Variants in NAA38 observed in about 807,000 individuals in gnomAD.
The protein encoded by NAA38 is LSM domain containing 1.
Under a neutral mutation model 12.6 loss-of-function variants are expected in NAA38, and 15 were observed. That is an observed-to-expected ratio of 1.19 (90% CI 0.79 to 1.83). The LOEUF (loss-of-function observed/expected upper bound fraction) is 1.83. Ranked by LOEUF, NAA38 falls within the 40% of genes most tolerant of loss-of-function variation. The probability of loss-of-function intolerance (pLI) is 0.00; values close to 1 mark genes in which losing one functional copy is unlikely to be tolerated. For synonymous variants in NAA38, 88 were observed against 69.9 expected (o/e 1.26, Z -1.29); for missense variants, 183 against 171.7 (o/e 1.07, Z -0.37).
chr17:7,866,645 C>T, intron 2 of NAA38: 3 of 591,566 alleles, frequency 5.1e-6, no homozygotes, highest in Non-Finnish European at 7.4e-6. Flanking sequence ...CTTCAGTTGG[C>T]CACCTGGCTC....
chr17:7,860,951 TTTGCC>T (rs2078878744), upstream of NAA38: 1 of 152,076 alleles, frequency 6.6e-6, no homozygotes, highest in South Asian at 2.1e-4. Context: ...AAGGAGGCAG[TTTGCC>T]ACTTGGAGAA....
At chr17:7,882,390 G>A (rs1286613945) in intron 2 of NAA38, among the ~76,000 whole-genome samples, 2 of 152,222 alleles carry the variant, frequency 1.3e-5, no homozygotes, top group Non-Finnish European at 2.9e-5. Flanking sequence ...GCCACACACA[G>A]TCAGAGACTG....
chr17:7,858,076 G>A (rs2078846471), upstream of NAA38: 3 of 1,603,162 alleles, frequency 1.9e-6, no homozygotes, highest in South Asian at 1.1e-5. Context: ...GTAGTAGTGA[G>A]TACGTGCTGA....
intron 2 of NAA38, chr17:7,877,179 A>G (rs1967189059): frequency 4.4e-6 from 1 of 227,650 alleles, no homozygotes; most frequent in Non-Finnish European, 9.1e-6. Flanking sequence ...AATAATAAAT[A>G]CTTTCTCATT....
intron 1 of NAA38, chr17:7,883,395 T>A (rs1967343350): frequency 6.6e-6 from 1 of 152,252 alleles, no homozygotes; most frequent in South Asian, 2.1e-4. Context: ...CTTTCCTCTT[T>A]ATCCTAAAAA....
At chr17:7,859,553 G>A (rs757487988), upstream of NAA38, 66 of 1,614,146 alleles carry the variant, frequency 4.1e-5, no homozygotes, top group South Asian at 5.5e-5. Context: ...CAGTATGGAC[G>A]GTACACTTCA....
chr17:7,867,062 G>C (rs1275553863), intron 2 of NAA38, among the ~76,000 whole-genome samples: 2 of 152,186 alleles, frequency 1.3e-5, no homozygotes, highest in East Asian at 3.9e-4. Flanking sequence ...GGGAGGACAA[G>C]GGATAGGTGG....
upstream of NAA38, chr17:7,858,619 T>C (rs751244325): frequency 1.9e-6 from 3 of 1,605,284 alleles, no homozygotes; most frequent in Non-Finnish European, 2.6e-6. Flanking sequence ...CGCAAGCACA[T>C]AGATCCGCTG....
upstream of NAA38, chr17:7,857,970 A>G (rs546019103): frequency 9.6e-4 from 1,418 of 1,477,708 alleles, 2 homozygotes; most frequent in Non-Finnish European, 1.2e-3. Context: ...CGCCCCTGAT[A>G]TTTATCTCAG....
chr17:7,857,596 G>A (rs118058654), upstream of NAA38: 5,088 of 1,378,600 alleles, frequency 3.7e-3, 134 homozygotes, highest in East Asian at 0.073. Flanking sequence ...AGTCTCCTCG[G>A]CAACGGCACA....
At chr17:7,884,860 G>C (rs1567823292) in intron 1 of NAA38, 2 of 1,219,510 alleles carry the variant, frequency 1.6e-6, no homozygotes, top group Non-Finnish European at 2.2e-6. Flanking sequence ...TGGTGGTGTC[G>C]GAGGAGGAAG....
intron 2 of NAA38, among the ~76,000 whole-genome samples, chr17:7,870,754 G>C (rs543261541): frequency 1.3e-5 from 2 of 151,892 alleles, no homozygotes; most frequent in Non-Finnish European, 2.9e-5. Context: ...CAGTGCAGTG[G>C]TGCACGCCTG....
chr17:7,857,693 A>G (rs2078840026), upstream of NAA38: 4 of 1,312,984 alleles, frequency 3.0e-6, no homozygotes, highest in South Asian at 4.7e-5. Flanking sequence ...CGAGACCTTT[A>G]CCTCTGGTTT....
chr17:7,859,620 G>A, upstream of NAA38: 1 of 1,612,938 alleles, frequency 6.2e-7, no homozygotes, highest in Non-Finnish European at 8.5e-7. Context: ...TAGGCAAGGA[G>A]ATGTACACTC....
intron 3 of NAA38, chr17:7,866,404 G>A (rs535345446): frequency 7.7e-5 from 87 of 1,123,160 alleles, no homozygotes; most frequent in East Asian, 4.8e-4. Flanking sequence ...CATTGCGCCC[G>A]GCCGCCACGG....
rs552502923 is a variant in NAA38 at position 7,878,536 on chromosome 17, A to G, written c.-66+4699T>C. Among the ~76,000 whole-genome samples the G allele has an allele frequency of 6.7e-4, 102 of 152,270 alleles. 2 individuals are homozygous for G. Among genetic ancestry groups the G allele is most frequent in the Admixed American group, 2.6e-3 (40 of 15,300 alleles). On this transcript the variant is annotated intron_variant, in intron 2 of 4. Transcript: ENST00000576861. ...CAGGAGCTCGAGACCAGCCTGGCCA[A>G]CATGGTAAAACCCCGCCTCTGCTAG...
At chr17:7,857,257 C>T (rs752082171) in intron 1 of NAA38, 59 bp from the exon 2 acceptor site, 13 of 1,609,936 alleles carry the variant, frequency 8.1e-6, no homozygotes, top group Non-Finnish European at 1.0e-5. Flanking sequence ...CCCGCGGAAC[C>T]ACAGCTCCCG....
chr17:7,868,261 A>G (rs1348169219), intron 2 of NAA38, among the ~76,000 whole-genome samples: 1 of 152,198 alleles, frequency 6.6e-6, no homozygotes, highest in African/African-American at 2.4e-5. Context: ...AGCCAAAGAG[A>G]GAGCACAGAA....
intron 2 of NAA38, among the ~76,000 whole-genome samples, chr17:7,873,428 G>A (rs974628453): frequency 1.5e-4 from 23 of 152,174 alleles, no homozygotes; most frequent in Non-Finnish European, 3.2e-4. Flanking sequence ...GCTGTGGTGG[G>A]GGCAGAGGGC....
Sources: gnomAD v4.1 joint callset for allele counts (sites outside exome capture counted in the v4.1 genomes callset) on GRCh38, gnomAD v4.1.1 for gene constraint, MANE v1.5 for transcripts, NCBI Gene and HGNC (gene_info 2026-07-23, HGNC 2026-07-21) for gene names.